Variants in NOL4 observed in about 807,000 individuals in gnomAD.
NOL4 encodes nucleolar protein 4.
A neutral mutation model predicts 75.9 loss-of-function variants in NOL4; 17 were observed. The observed-to-expected ratio is 0.22, with a 90% CI of 0.15 to 0.34. NOL4 has a LOEUF of 0.34. Ranked by LOEUF, NOL4 falls within the 10% of genes least tolerant of loss-of-function variation. The probability of loss-of-function intolerance (pLI) is 1.00; values close to 1 mark genes in which losing one functional copy is unlikely to be tolerated. For synonymous variants in NOL4, 292 were observed against 289.9 expected (o/e 1.01, Z -0.07); for missense variants, 614 against 793.5 (o/e 0.77, Z 2.72).
chr18:33,889,391 C>CA (rs1364343230), intron 9 of NOL4, among the ~76,000 whole-genome samples: 1 of 151,800 alleles, frequency 6.6e-6, no homozygotes, highest in Non-Finnish European at 1.5e-5. Context: ...GCCTACCAAC[C>CA]AAAAAAAGTC....
intron 10 of NOL4, among the ~76,000 whole-genome samples, chr18:33,871,342 CA>C (rs1291199095): frequency 1.3e-5 from 2 of 151,942 alleles, no homozygotes; most frequent in African/African-American, 2.4e-5. Flanking sequence ...GAAATTCCAT[CA>C]GTACCCGAGC....
intron 6 of NOL4, among the ~76,000 whole-genome samples, chr18:33,973,901 T>G (rs1036683661): frequency 6.6e-6 from 1 of 152,222 alleles, no homozygotes; most frequent in Non-Finnish European, 1.5e-5. Flanking sequence ...AGGATTTTCA[T>G]AATGATAAAT....
At chr18:33,870,116 A>G (rs924651541) in intron 10 of NOL4, among the ~76,000 whole-genome samples, 2 of 152,116 alleles carry the variant, frequency 1.3e-5, no homozygotes, top group Admixed American at 6.6e-5. Flanking sequence ...TACATCATGG[A>G]ATGGTTAAAT....
chr18:34,094,457 G>T (rs895120544), intron 4 of NOL4, among the ~76,000 whole-genome samples: 1 of 152,092 alleles, frequency 6.6e-6, no homozygotes, highest in Non-Finnish European at 1.5e-5. Flanking sequence ...CTAAAAGTCA[G>T]TTCATAAAAT....
chr18:34,046,306 C>A (rs889147147), intron 5 of NOL4, among the ~76,000 whole-genome samples: 1 of 151,872 alleles, frequency 6.6e-6, no homozygotes, highest in Non-Finnish European at 1.5e-5. Flanking sequence ...GAGAATCTGA[C>A]GATGGAGGAT....
chr18:33,982,655 C>A (rs184486146), intron 6 of NOL4, among the ~76,000 whole-genome samples: 7 of 150,470 alleles, frequency 4.7e-5, no homozygotes, highest in South Asian at 2.1e-4. Flanking sequence ...ATCCAACAGG[C>A]AGAAAATCAG....
chr18:34,214,009 A>C (rs2036697342), intron 1 of NOL4, among the ~76,000 whole-genome samples: 1 of 152,166 alleles, frequency 6.6e-6, no homozygotes. Flanking sequence ...CCAATGGGAA[A>C]TCTTTGTAGT....
chr18:34,130,046 A>C, intron 1 of NOL4, 26 bp from the exon 2 acceptor site: 1 of 1,500,638 alleles, frequency 6.7e-7, no homozygotes, highest in Non-Finnish European at 8.9e-7. Flanking sequence ...CAACAACAAA[A>C]ACCCATAAGA....
At chr18:34,116,907 C>A (rs1161592251) in intron 2 of NOL4, among the ~76,000 whole-genome samples, 1 of 152,122 alleles carries the variant, frequency 6.6e-6, no homozygotes, top group Admixed American at 6.6e-5. Flanking sequence ...AACAATGTTT[C>A]ATTTCTAAGT....
chr18:34,098,195 C>T (rs1177659877), intron 4 of NOL4, among the ~76,000 whole-genome samples: 1 of 152,028 alleles, frequency 6.6e-6, no homozygotes, highest in East Asian at 1.9e-4. Context: ...TGAAACTAGG[C>T]TGGTTTTGTT....
At chr18:34,055,975 T>C (rs1214028720) in intron 5 of NOL4, among the ~76,000 whole-genome samples, 3 of 152,196 alleles carry the variant, frequency 2.0e-5, no homozygotes, top group African/African-American at 7.2e-5. Context: ...TTCTTTCCTA[T>C]AGTTTCTACC....
chr18:33,996,835 T>A (rs1406696530), intron 6 of NOL4, among the ~76,000 whole-genome samples: 4 of 151,882 alleles, frequency 2.6e-5, no homozygotes, highest in Non-Finnish European at 4.4e-5. Context: ...CTTGATTCCA[T>A]GTCTTTGCTA....
chr18:33,863,462 A>G (rs1387637006), intron 10 of NOL4, among the ~76,000 whole-genome samples: 1 of 152,202 alleles, frequency 6.6e-6, no homozygotes, highest in Non-Finnish European at 1.5e-5. Flanking sequence ...GTGGGGATAC[A>G]GGCATTGCAT....
chr18:34,047,699 A>G (rs1393849663), intron 5 of NOL4, among the ~76,000 whole-genome samples: 2 of 152,130 alleles, frequency 1.3e-5, no homozygotes, highest in African/African-American at 4.8e-5. Context: ...CTAGCTTCTA[A>G]GCTAAAAATC....
chr18:33,943,970 C>CT (rs887046956), intron 8 of NOL4, among the ~76,000 whole-genome samples: 5 of 151,738 alleles, frequency 3.3e-5, no homozygotes, highest in African/African-American at 1.2e-4. Context: ...GATTTTCATT[C>CT]TTTTTTCCAT....
chr18:34,089,557 A>C (rs1044805551), intron 5 of NOL4, among the ~76,000 whole-genome samples: 14 of 152,238 alleles, frequency 9.2e-5, no homozygotes, highest in African/African-American at 3.4e-4. Flanking sequence ...GCCATATTTC[A>C]AGTACTCAAT....
intron 2 of NOL4, among the ~76,000 whole-genome samples, chr18:34,119,768 C>T (rs888803380): frequency 3.3e-5 from 5 of 152,038 alleles, no homozygotes; most frequent in African/African-American, 9.7e-5. Context: ...ACTACAGGCG[C>T]CCGCCACCAC....
intron 9 of NOL4, among the ~76,000 whole-genome samples, chr18:33,936,405 G>A (rs1397375892): frequency 8.4e-5 from 10 of 119,440 alleles, no homozygotes; most frequent in African/African-American, 2.0e-4. Context: ...AATTAGCAGT[G>A]AGTTTTTTTT....
At chr18:34,008,302 T>G (rs1417592857) in intron 6 of NOL4, among the ~76,000 whole-genome samples, 1 of 151,926 alleles carries the variant, frequency 6.6e-6, no homozygotes, top group Non-Finnish European at 1.5e-5. Flanking sequence ...TGACAGCAGA[T>G]CATTGAATTT....
Sources: gnomAD v4.1 joint callset for allele counts (sites outside exome capture counted in the v4.1 genomes callset) on GRCh38, gnomAD v4.1.1 for gene constraint, MANE v1.5 for transcripts, NCBI Gene and HGNC (gene_info 2026-07-23, HGNC 2026-07-21) for gene names.